Variants in MYO5B observed in about 807,000 individuals in gnomAD.
MYO5B encodes myosin VB, also known as unconventional myosin-Vb.
Under a neutral mutation model 229.3 loss-of-function variants are expected in MYO5B, and 143 were observed. That is an observed-to-expected ratio of 0.62 (90% CI 0.54 to 0.72). The LOEUF is 0.72. Among genes scored for constraint, MYO5B ranks in the 30% least tolerant of loss-of-function variants. The pLI is 0.00. For missense variants in MYO5B, 2,321 were observed against 2,331.0 expected, an observed-to-expected ratio of 1.00 and a Z score of 0.09; for synonymous variants, 918 against 885.2, an observed-to-expected ratio of 1.04 and a Z score of -0.66.
At chr18:49,929,102 C>T (rs1341863443) in intron 17 of MYO5B, among the ~76,000 whole-genome samples, 1 of 151,724 alleles carries the variant, frequency 6.6e-6, no homozygotes, top group Non-Finnish European at 1.5e-5. Flanking sequence ...CTTGTTCCCC[C>T]AAAAAACCTA....
At chr18:50,148,670 G>C (rs1250460343) in intron 1 of MYO5B, among the ~76,000 whole-genome samples, 1 of 150,608 alleles carries the variant, frequency 6.6e-6, no homozygotes, top group Non-Finnish European at 1.5e-5. Flanking sequence ...ATTAGGTATT[G>C]ATGGGACGTA....
intron 1 of MYO5B, among the ~76,000 whole-genome samples, chr18:50,117,855 C>T (rs982803350): frequency 2.0e-5 from 3 of 152,214 alleles, no homozygotes; most frequent in African/African-American, 4.8e-5. Flanking sequence ...CCACATAGTA[C>T]GCCATGCTTG....
chr18:50,081,200 C>T (rs923812173), intron 1 of MYO5B, among the ~76,000 whole-genome samples: 3 of 152,084 alleles, frequency 2.0e-5, no homozygotes, highest in African/African-American at 7.2e-5. Context: ...TCAGTGGGTC[C>T]TTCTGTTGTG....
At chr18:50,020,478 T>C (rs2026262301) in intron 4 of MYO5B, among the ~76,000 whole-genome samples, 1 of 152,226 alleles carries the variant, frequency 6.6e-6, no homozygotes, top group African/African-American at 2.4e-5. Context: ...TACCTGAATG[T>C]CGGGACTCCA....
chr18:49,882,638 A>AAAAAAAAAAG (rs1406368488), intron 22 of MYO5B, among the ~76,000 whole-genome samples: 1 of 150,802 alleles, frequency 6.6e-6, no homozygotes, highest in Non-Finnish European at 1.5e-5. Context: ...AAAAAAAAAA[A>AAAAAAAAAAG]AAAGAAAGAG....
chr18:49,847,426 G>T, intron 32 of MYO5B, 137 bp from the exon 33 acceptor site: 3 of 1,060,536 alleles, frequency 2.8e-6, no homozygotes, highest in Non-Finnish European at 4.2e-6. Context: ...GATGGCACCT[G>T]GGGCAGGGGG....
chr18:49,904,693 A>C lies in MYO5B; in HGVS notation c.2550T>G (p.Phe850Leu). 6.2e-7 allele frequency: 1 copy of C among 1,613,998 alleles called. No individual in the cohort carries two copies. Among genetic ancestry groups the C allele is most frequent in the Middle Eastern group, 1.6e-4 (1 of 6,062 alleles). ...TCACCTGGCGGTAGGTTCTCCGCACAAACATGGCCCGGGTGAAGGCCTGGA... is the reference window on the plus strand; with the variant it reads ...TCACCTGGCGGTAGGTTCTCCGCACCAACATGGCCCGGGTGAAGGCCTGGA... Reference protein sequence around the residue: ...VVIQAFTRAMFVRRTYRQVLM... With the variant: ...VVIQAFTRAMLVRRTYRQVLM... Residue 850 changes from phenylalanine (F) to leucine (L), a missense_variant, in exon 20 of 40, where the codon TTT becomes TTG. Physicochemically the swap from Phe to Leu is conservative, Grantham distance 22 (BLOSUM62 0). Around this residue, in one of 2 missense-constraint regions of MYO5B, gnomAD observed 2,113 missense variants for 2,044.7 expected, o/e 1.03. Coordinates refer to ENST00000285039, the MANE Select transcript of MYO5B (RefSeq NM_001080467.3).
intron 4 of MYO5B, among the ~76,000 whole-genome samples, chr18:50,020,780 T>C (rs1446590022): frequency 1.3e-5 from 2 of 152,236 alleles, no homozygotes; most frequent in Non-Finnish European, 2.9e-5. Flanking sequence ...TGACTTTCTC[T>C]ACCAGAAAAT....
chr18:49,979,843 G>A (rs902295080), intron 9 of MYO5B, among the ~76,000 whole-genome samples: 14 of 152,126 alleles, frequency 9.2e-5, no homozygotes, highest in Non-Finnish European at 1.5e-4. Context: ...CACTTCCCTG[G>A]TGCTTACTCC....
intron 1 of MYO5B, among the ~76,000 whole-genome samples, chr18:50,112,511 C>A (rs1315440020): frequency 6.6e-6 from 1 of 152,178 alleles, no homozygotes; most frequent in Non-Finnish European, 1.5e-5. Flanking sequence ...ACCCCCATGG[C>A]GCCTTAACCA....
intron 4 of MYO5B, among the ~76,000 whole-genome samples, chr18:50,021,474 C>T (rs1401954608): frequency 1.3e-5 from 2 of 152,140 alleles, no homozygotes; most frequent in African/African-American, 4.8e-5. Flanking sequence ...AAAGGCTGCC[C>T]TTCCACAATC....
intron 1 of MYO5B, among the ~76,000 whole-genome samples, chr18:50,164,789 G>C (rs2032819567): frequency 6.6e-6 from 1 of 151,994 alleles, no homozygotes; most frequent in Non-Finnish European, 1.5e-5. Flanking sequence ...TCCCCTCCCT[G>C]TGTCAGTATG....
chr18:50,143,096 C>T (rs546638737), intron 1 of MYO5B, among the ~76,000 whole-genome samples: 8 of 152,302 alleles, frequency 5.3e-5, no homozygotes, highest in East Asian at 3.9e-4. Context: ...AAGCATTTAA[C>T]GTTTCTATTA....
intron 1 of MYO5B, among the ~76,000 whole-genome samples, chr18:50,104,370 T>A (rs980420753): frequency 4.0e-5 from 6 of 151,394 alleles, no homozygotes; most frequent in Admixed American, 6.6e-5. Flanking sequence ...TACCAATTTT[T>A]AAAAAAATGT....
chr18:49,966,345 T>C (rs1310277402), intron 10 of MYO5B, among the ~76,000 whole-genome samples: 5 of 152,152 alleles, frequency 3.3e-5, no homozygotes, highest in African/African-American at 4.8e-5. Flanking sequence ...GTAAAGTGTA[T>C]GCTGGGATGA....
chr18:50,086,302 A>C (rs1188675239), intron 1 of MYO5B, among the ~76,000 whole-genome samples: 1 of 152,142 alleles, frequency 6.6e-6, no homozygotes, highest in Non-Finnish European at 1.5e-5. Flanking sequence ...TGATTCCCTC[A>C]TATCTATGTC....
At chr18:49,992,888 C>T (rs1349234585) in intron 5 of MYO5B, among the ~76,000 whole-genome samples, 1 of 152,206 alleles carries the variant, frequency 6.6e-6, no homozygotes, top group African/African-American at 2.4e-5. Flanking sequence ...AAAAAACAAA[C>T]AAACCTTCCT....
chr18:49,940,150 A>G (rs954019378), intron 14 of MYO5B, among the ~76,000 whole-genome samples: 1 of 152,254 alleles, frequency 6.6e-6, no homozygotes, highest in Non-Finnish European at 1.5e-5. Context: ...AATAGGTCCA[A>G]AATTCACAAA....
chr18:49,924,554 A>G (rs1026351791), intron 17 of MYO5B, among the ~76,000 whole-genome samples: 11 of 152,210 alleles, frequency 7.2e-5, no homozygotes, highest in Admixed American at 7.2e-4. Context: ...CACAAGCTGG[A>G]AAGAGGAGGG....
Sources: gnomAD v4.1 joint callset for allele counts (sites outside exome capture counted in the v4.1 genomes callset) on GRCh38, gnomAD v4.1.1 for gene constraint, gnomAD v4.1.1 regional missense constraint, MANE v1.5 for transcripts, NCBI Gene and HGNC (gene_info 2026-07-23, HGNC 2026-07-21) for gene names.